CDH18: variants seen among roughly 807,000 people sequenced by gnomAD.
CDH18 encodes cadherin-18.
Under a neutral mutation model 67.9 loss-of-function variants are expected in CDH18, and 31 were observed. That is an observed-to-expected ratio of 0.46 (90% CI 0.34 to 0.62). The LOEUF (loss-of-function observed/expected upper bound fraction) is 0.62, where lower values mean the gene tolerates loss of function less well. CDH18 is among the 20% of genes least tolerant of loss of function. CDH18 has a pLI of 0.01. For missense variants in CDH18, 890 were observed against 975.5 expected (o/e 0.91, Z 1.17); for synonymous variants, 362 against 347.2 (o/e 1.04, Z -0.48).
intron 2 of CDH18, among the ~76,000 whole-genome samples, chr5:20,137,405 G>C (rs900580358): frequency 2.0e-5 from 3 of 151,914 alleles, no homozygotes; most frequent in Admixed American, 2.0e-4. Context: ...GCATCATTTA[G>C]TTCTCATGCC....
At chr5:19,764,396 G>A (rs935865243) in intron 3 of CDH18, among the ~76,000 whole-genome samples, 2 of 151,704 alleles carry the variant, frequency 1.3e-5, no homozygotes, top group Admixed American at 1.3e-4. Flanking sequence ...GTCAAAATAC[G>A]ATATAATGTA....
intron 5 of CDH18, among the ~76,000 whole-genome samples, chr5:19,705,942 T>G (rs1168753332): frequency 6.6e-6 from 1 of 152,180 alleles, no homozygotes; most frequent in African/African-American, 2.4e-5. Context: ...TTATACCAAT[T>G]GAAGGTGCTG....
chr5:20,078,533 A>G (rs905419108), intron 2 of CDH18, among the ~76,000 whole-genome samples: 16 of 152,108 alleles, frequency 1.1e-4, no homozygotes, highest in African/African-American at 3.6e-4. Context: ...AAAACAGATT[A>G]TCAGTAAAGA....
At chr5:19,591,808 C>A (rs774942963) in intron 6 of CDH18, among the ~76,000 whole-genome samples, 66 of 151,980 alleles carry the variant, frequency 4.3e-4, no homozygotes, top group Non-Finnish European at 2.9e-4. Context: ...CTATCAGCTT[C>A]TAAAAAGGAT....
chr5:20,391,352 C>T (rs892146378), intron 1 of CDH18, among the ~76,000 whole-genome samples: 14 of 151,696 alleles, frequency 9.2e-5, no homozygotes, highest in African/African-American at 3.1e-4. Flanking sequence ...ATTGCATGGT[C>T]TTTATCTAAA....
At chr5:19,955,544 G>A (rs1796180354) in intron 2 of CDH18, among the ~76,000 whole-genome samples, 1 of 151,956 alleles carries the variant, frequency 6.6e-6, no homozygotes, top group Admixed American at 6.6e-5. Flanking sequence ...CACATTAAGA[G>A]GACAGTTAAA....
intron 2 of CDH18, among the ~76,000 whole-genome samples, chr5:20,136,194 T>C (rs1044951516): frequency 5.3e-5 from 8 of 152,204 alleles, no homozygotes; most frequent in Non-Finnish European, 1.0e-4. Flanking sequence ...CAGTGGGGTA[T>C]TGAAGTCTCC....
chr5:19,833,950 T>C (rs192578901), intron 3 of CDH18, among the ~76,000 whole-genome samples: 136 of 152,194 alleles, frequency 8.9e-4, no homozygotes, highest in East Asian at 2.7e-3. Context: ...TTCTCATTGA[T>C]GTTCATCAGG....
At chr5:19,627,180 G>A (rs1402335314) in intron 5 of CDH18, among the ~76,000 whole-genome samples, 1 of 152,128 alleles carries the variant, frequency 6.6e-6, no homozygotes, top group African/African-American at 2.4e-5. Context: ...ACTTGAGAAA[G>A]TAAAGGAGAA....
intron 3 of CDH18, among the ~76,000 whole-genome samples, chr5:19,760,089 T>A (rs1772136726): frequency 6.6e-6 from 1 of 152,124 alleles, no homozygotes; most frequent in Non-Finnish European, 1.5e-5. Context: ...CCACTTTGCG[T>A]CTGCTGTCCA....
intron 1 of CDH18, among the ~76,000 whole-genome samples, chr5:20,364,157 T>G (rs141274252): frequency 0.013 from 1,916 of 152,226 alleles, 19 homozygotes; most frequent in Middle Eastern, 0.027. Flanking sequence ...TTTTCAGTAC[T>G]TCAGTAAATA....
chr5:19,828,288 A>G (rs1369155475), intron 3 of CDH18, among the ~76,000 whole-genome samples: 1 of 152,190 alleles, frequency 6.6e-6, no homozygotes, highest in Non-Finnish European at 1.5e-5. Context: ...GAAAAGATGT[A>G]TAAGGAAGAG....
intron 2 of CDH18, among the ~76,000 whole-genome samples, chr5:20,075,622 G>T (rs1743861710): frequency 6.6e-6 from 1 of 152,110 alleles, no homozygotes; most frequent in African/African-American, 2.4e-5. Context: ...AAAAGTAAAA[G>T]AACACTAGAA....
chr5:19,937,789 G>GTT (rs771421152), intron 2 of CDH18, among the ~76,000 whole-genome samples: 1 of 150,344 alleles, frequency 6.7e-6, no homozygotes, highest in Non-Finnish European at 1.5e-5. Flanking sequence ...AATTTCAGCA[G>GTT]TTATATATAT....
rs542137555 is a variant in CDH18 at position 19,544,349 on chromosome 5, C to T, written c.1254-344G>A. Among the ~76,000 whole-genome samples the T allele has an allele frequency of 1.4e-4, 21 of 151,764 alleles. No individual in the cohort carries two copies. The East Asian group carries it at 4.1e-3, about 29-fold the overall frequency. On this transcript the variant is annotated intron_variant, in intron 8 of 12. Coordinates refer to ENST00000382275, the MANE Select transcript of CDH18 (RefSeq NM_004934.5). The stretch of plus-strand genomic sequence containing the variant: ...TGTTTAATGAAAAAAAATATTAAAC[C>T]TATAATAAGACTTCTTGTTGTTATT...
chr5:20,187,400 T>A (rs1738184732), intron 2 of CDH18, among the ~76,000 whole-genome samples: 2 of 151,862 alleles, frequency 1.3e-5, no homozygotes, highest in South Asian at 4.1e-4. Flanking sequence ...TAAAATTTCT[T>A]CCTTTTGTAG....
At chr5:20,018,955 C>A (rs999108500) in intron 2 of CDH18, among the ~76,000 whole-genome samples, 1 of 150,182 alleles carries the variant, frequency 6.7e-6, no homozygotes, top group Admixed American at 6.6e-5. Flanking sequence ...CCACCATGCC[C>A]GGCTAATTTT....
intron 2 of CDH18, among the ~76,000 whole-genome samples, chr5:20,241,646 T>A (rs1298182710): frequency 6.6e-6 from 1 of 151,770 alleles, no homozygotes; most frequent in Non-Finnish European, 1.5e-5. Context: ...GGTCACAAGA[T>A]GGAGACCATC....
chr5:19,507,697 T>C (rs1033706869), intron 10 of CDH18, among the ~76,000 whole-genome samples: 2 of 152,054 alleles, frequency 1.3e-5, no homozygotes, highest in Non-Finnish European at 2.9e-5. Flanking sequence ...TAGGTTGGAA[T>C]TGAACAATGA....
Sources: gnomAD v4.1 joint callset for allele counts (sites outside exome capture counted in the v4.1 genomes callset) on GRCh38, gnomAD v4.1.1 for gene constraint, MANE v1.5 for transcripts, NCBI Gene and HGNC (gene_info 2026-07-23, HGNC 2026-07-21) for gene names.